FSTL5: variants seen among roughly 807,000 people sequenced by gnomAD.
FSTL5 encodes follistatin-related protein 5.
In FSTL5, 62 loss-of-function variants were observed where a neutral mutation model predicts 89.1. That is an observed-to-expected ratio of 0.70 (90% CI 0.57 to 0.86). The LOEUF (loss-of-function observed/expected upper bound fraction) is 0.86, where lower values mean the gene tolerates loss of function less well. Among genes scored for constraint, FSTL5 ranks in the 40% least tolerant of loss-of-function variants. FSTL5 has a pLI of 0.00. For synonymous variants in FSTL5, 383 were observed against 346.2 expected (o/e 1.11, Z -1.18); for missense variants, 1,057 against 1,001.6 (o/e 1.06, Z -0.75).
At chr4:161,795,627 TTTTG>T (rs1339252015) in intron 4 of FSTL5, among the ~76,000 whole-genome samples, 1 of 152,092 alleles carries the variant, frequency 6.6e-6, no homozygotes, top group Non-Finnish European at 1.5e-5. Context: ...ATGAGTTTAT[TTTTG>T]TTTATGATTT....
chr4:161,648,979 C>A lies in FSTL5; in HGVS notation c.894+7349G>T, dbSNP rs187299823. Among the ~76,000 whole-genome samples the A allele has an allele frequency of 6.6e-4, 101 of 152,230 alleles. No individual in the cohort carries two copies. In the East Asian group the frequency reaches 0.016, roughly 25 times the overall value. On this transcript the variant is annotated intron_variant, in intron 7 of 15. Coordinates refer to ENST00000306100, the MANE Select transcript of FSTL5 (RefSeq NM_020116.5). The stretch of plus-strand genomic sequence containing the variant: ...ATCTTCTATAACTTATGGAAAATTT[C>A]AATAAGCACAGAGAAATCAACAAGT...
intron 4 of FSTL5, among the ~76,000 whole-genome samples, chr4:161,805,179 T>C (rs947764182): frequency 3.9e-5 from 6 of 152,224 alleles, no homozygotes; most frequent in Middle Eastern, 3.4e-3. Flanking sequence ...ATTCCTGATA[T>C]AATTTTTGCA....
intron 3 of FSTL5, among the ~76,000 whole-genome samples, chr4:161,944,568 T>G (rs539196644): frequency 6.6e-6 from 1 of 151,932 alleles, no homozygotes; most frequent in Non-Finnish European, 1.5e-5. Context: ...TATGCTATAA[T>G]ATTATTTATC....
intron 6 of FSTL5, among the ~76,000 whole-genome samples, chr4:161,723,438 C>A (rs1434436403): frequency 6.6e-6 from 1 of 152,194 alleles, no homozygotes; most frequent in African/African-American, 2.4e-5. Flanking sequence ...CATCAACAAT[C>A]TGCACTGAAC....
chr4:161,470,477 T>C lies in FSTL5; in HGVS notation c.1608+10543A>G, dbSNP rs190506152. Among the ~76,000 whole-genome samples the C allele has an allele frequency of 1.4e-4, 21 of 152,334 alleles. No homozygotes were observed. The East Asian group carries it at 3.7e-3, about 27-fold the overall frequency. ...GTCTTTATGCTAGTACTACACAGTT[T>C]TTGATTATTGTAGCCTTTGCAGTAA... is the stretch of plus-strand genomic sequence containing the variant. On this transcript the variant is annotated intron_variant, in intron 13 of 15. Coordinates refer to ENST00000306100, the MANE Select transcript of FSTL5 (RefSeq NM_020116.5).
chr4:161,616,129 G>A lies in FSTL5; in HGVS notation c.895-28554C>T, dbSNP rs531458944. On this transcript the variant is annotated intron_variant, in intron 7 of 15. Transcript: ENST00000306100. ...GAGATGGGGTTTTGCTCTTGTCACCGAGGCTGTAGTGCAATGGCGCAATCT... is the reference window on the plus strand; with the variant it reads ...GAGATGGGGTTTTGCTCTTGTCACCAAGGCTGTAGTGCAATGGCGCAATCT... Among the ~76,000 whole-genome samples the A allele has an allele frequency of 3.9e-4, 58 of 149,220 alleles. 1 individual carries two copies. In the East Asian group the frequency reaches 0.011, roughly 28 times the overall value.
intron 11 of FSTL5, among the ~76,000 whole-genome samples, chr4:161,508,910 T>G (rs1190478517): frequency 1.3e-5 from 2 of 152,346 alleles, no homozygotes; most frequent in Non-Finnish European, 2.9e-5. Flanking sequence ...TCTGTAGTAC[T>G]TGGTTCAGAC....
chr4:161,718,608 T>A (rs1018533838), intron 6 of FSTL5, among the ~76,000 whole-genome samples: 1 of 152,078 alleles, frequency 6.6e-6, no homozygotes, highest in African/African-American at 2.4e-5. Flanking sequence ...TTTTGTATTT[T>A]TAGTAGAGAT....
rs557250323 is a variant in FSTL5, at chr4:161,913,257, T to C, written c.409+7147A>G. On this transcript the variant is annotated intron_variant, in intron 4 of 15. Transcript: ENST00000306100. ...CCATGGGGAAAATGTCTCCAGGCCA[T>C]GCCAGAGACCTTCATGGCAGCCGCT... 5.9e-5 allele frequency among the ~76,000 whole-genome samples: 9 copies of C among 152,218 alleles called. No individual in the cohort carries two copies. In the South Asian group the frequency reaches 1.7e-3, roughly 28 times the overall value.
intron 1 of FSTL5, among the ~76,000 whole-genome samples, chr4:162,156,248 ACTGGTGAGG>A (rs1318038539): frequency 6.6e-6 from 1 of 152,156 alleles, no homozygotes; most frequent in Non-Finnish European, 1.5e-5. Context: ...AACAACAGAT[ACTGGTGAGG>A]CTGCAGAGAA....
At chr4:161,488,216 A>G (rs1041775868) in intron 12 of FSTL5, among the ~76,000 whole-genome samples, 6 of 152,118 alleles carry the variant, frequency 3.9e-5, no homozygotes, top group Non-Finnish European at 8.8e-5. Flanking sequence ...AATTTATCCC[A>G]TTCAATTTCC....
At chr4:161,821,317 T>G (rs1730486621) in intron 4 of FSTL5, among the ~76,000 whole-genome samples, 1 of 152,148 alleles carries the variant, frequency 6.6e-6, no homozygotes, top group South Asian at 2.1e-4. Context: ...CGATGACCAG[T>G]GTGAACCACT....
chr4:161,851,452 G>A lies in FSTL5; in HGVS notation c.409+68952C>T, dbSNP rs968197053. 1.4e-4 allele frequency among the ~76,000 whole-genome samples: 22 copies of A among 152,106 alleles called. 1 individual carries two copies. The highest frequency in any genetic ancestry group is 5.1e-4 in the African/African-American group (21 of 41,424). ...CACAGGTGCACATAATCATACAACT[G>A]ATTTTGGAAACGATTTCAGGTATCT... On this transcript the variant is annotated intron_variant, in intron 4 of 15. Transcript: ENST00000306100.
chr4:162,086,937 T>C (rs983069325), intron 2 of FSTL5, among the ~76,000 whole-genome samples: 2 of 152,138 alleles, frequency 1.3e-5, no homozygotes, highest in African/African-American at 4.8e-5. Flanking sequence ...CTTGTGAATA[T>C]CAATATGACT....
intron 2 of FSTL5, among the ~76,000 whole-genome samples, chr4:162,096,122 T>A (rs573396117): frequency 8.1e-4 from 123 of 152,078 alleles, no homozygotes; most frequent in Non-Finnish European, 1.4e-3. Context: ...GTTTTATAAA[T>A]TAATGCAATA....
At chr4:162,051,120 T>G (rs2111257656) in intron 2 of FSTL5, among the ~76,000 whole-genome samples, 1 of 151,670 alleles carries the variant, frequency 6.6e-6, no homozygotes, top group South Asian at 2.1e-4. Context: ...GTATGTGTAC[T>G]TGGTTCAAAT....
intron 15 of FSTL5, among the ~76,000 whole-genome samples, chr4:161,400,321 G>A (rs1731142495): frequency 6.6e-6 from 1 of 151,956 alleles, no homozygotes; most frequent in South Asian, 2.1e-4. Context: ...TGAGTAGATA[G>A]AAATATAAAA....
chr4:162,068,763 G>A (rs538611020), intron 2 of FSTL5, among the ~76,000 whole-genome samples: 15 of 151,980 alleles, frequency 9.9e-5, no homozygotes, highest in African/African-American at 3.1e-4. Flanking sequence ...GCAACTTACA[G>A]AGTGGGAGAA....
At chr4:161,821,548 A>G (rs945543630) in intron 4 of FSTL5, among the ~76,000 whole-genome samples, 2 of 152,120 alleles carry the variant, frequency 1.3e-5, no homozygotes, top group African/African-American at 2.4e-5. Flanking sequence ...ACTAATTTGT[A>G]GTCTTTTATC....
Sources: allele counts gnomAD v4.1 joint callset (sites outside exome capture counted in the v4.1 genomes callset), GRCh38; gene constraint gnomAD v4.1.1; transcripts MANE v1.5; gene names NCBI Gene and HGNC (gene_info 2026-07-23, HGNC 2026-07-21).